Variants in PPM1L observed in about 807,000 individuals in gnomAD.
PPM1L encodes the protein protein phosphatase 1L.
In PPM1L, 13 loss-of-function variants were observed where a neutral mutation model predicts 31.4. The observed-to-expected ratio is 0.41, with a 90% CI of 0.27 to 0.66. The LOEUF (loss-of-function observed/expected upper bound fraction) is 0.66. Ranked by LOEUF, PPM1L falls within the 30% of genes least tolerant of loss-of-function variation. The pLI, the probability that PPM1L is intolerant of heterozygous loss-of-function variation, is 0.29. For missense variants in PPM1L, 326 were observed against 453.7 expected (o/e 0.72, Z 2.56); for synonymous variants, 184 against 175.4 (o/e 1.05, Z -0.39).
chr3:160,855,664 C>A (rs1711675934), intron 1 of PPM1L, among the ~76,000 whole-genome samples: 1 of 152,108 alleles, frequency 6.6e-6, no homozygotes, highest in African/African-American at 2.4e-5. Context: ...CAGTGCGATA[C>A]CATTTCACAC....
chr3:160,924,884 G>A (rs977991085), intron 1 of PPM1L, among the ~76,000 whole-genome samples: 1 of 152,134 alleles, frequency 6.6e-6, no homozygotes, highest in Non-Finnish European at 1.5e-5. Flanking sequence ...GAAACAATTC[G>A]CATTTAGATT....
chr3:160,946,196 C>T (rs993347746), intron 1 of PPM1L, among the ~76,000 whole-genome samples: 1 of 152,104 alleles, frequency 6.6e-6, no homozygotes, highest in Admixed American at 6.6e-5. Context: ...TTTTCTTAGC[C>T]CAGAGTTCCT....
intron 1 of PPM1L, among the ~76,000 whole-genome samples, chr3:160,790,214 A>G (rs1712061505): frequency 6.6e-6 from 1 of 152,094 alleles, no homozygotes; most frequent in South Asian, 2.1e-4. Context: ...ATGAACTGTT[A>G]TTAACTAATT....
At position 160,944,803 on chromosome 3, in the gene PPM1L, A is replaced by ATATATTATATGT. The variant is rs752118269; in HGVS notation, c.400-16928_400-16927insTATATGTTATAT. ...TTATATTATATATGTTATATATAAC[A>ATATATTATATGT]TATATAACATATATATGTTATATAT... On this transcript the variant is annotated intron_variant, in intron 1 of 3. Coordinates refer to ENST00000498165, the MANE Select transcript of PPM1L (RefSeq NM_139245.4). Among the ~76,000 whole-genome samples the ATATATTATATGT allele has an allele frequency of 6.8e-5, 4 of 59,254 alleles. 2 individuals are homozygous for ATATATTATATGT. Among genetic ancestry groups the ATATATTATATGT allele is most frequent in the Non-Finnish European group, 1.5e-4 (4 of 26,902 alleles). 38.9% of individuals were successfully genotyped at this position (59,254 alleles called of 152,430 possible). A position where few individuals can be genotyped will look rare whatever the true frequency, so the allele number is the denominator to read the frequency against.
In PPM1L at chr3:160,937,035, A is replaced by G. The variant is rs561251349; in HGVS notation, c.400-24701A>G. ...GTGCCTGGCCTATAGTAAATGCTCAATAACCGTCAGCACTTGTGAACATTT... is the reference window on the plus strand; with the variant it reads ...GTGCCTGGCCTATAGTAAATGCTCAGTAACCGTCAGCACTTGTGAACATTT... On this transcript the variant is annotated intron_variant, in intron 1 of 3. Coordinates refer to ENST00000498165, the MANE Select transcript of PPM1L (RefSeq NM_139245.4). Among the ~76,000 whole-genome samples, 42 of 152,148 alleles carry G rather than the reference A, an allele frequency of 2.8e-4. 1 individual carries two copies. Among genetic ancestry groups the G allele is most frequent in the African/African-American group, 9.4e-4 (39 of 41,436 alleles).
At chr3:160,860,781 C>T (rs1213539736) in intron 1 of PPM1L, among the ~76,000 whole-genome samples, 2 of 152,148 alleles carry the variant, frequency 1.3e-5, no homozygotes, top group Non-Finnish European at 2.9e-5. Flanking sequence ...GATGAGGTTC[C>T]TCTTCCTACT....
intron 2 of PPM1L, among the ~76,000 whole-genome samples, chr3:161,037,200 C>T (rs1718765134): frequency 6.6e-6 from 1 of 152,106 alleles, no homozygotes; most frequent in African/African-American, 2.4e-5. Flanking sequence ...TGGGATAATA[C>T]TTCTGAGACT....
Position 160,961,911 on chromosome 3 carries a change from G to T in PPM1L, c.574+1G>T, listed in dbSNP as rs1344547360. ...TTGACTGTATCCTATGATGAAGCAG[G>T]TATGTTTGTTTTTAAAACACACATT... On this transcript the variant is annotated splice_donor_variant, in intron 2 of 3. Transcript: ENST00000498165. LOFTEE classifies it high-confidence loss of function. 1.9e-6 allele frequency: 3 copies of T among 1,543,400 alleles called. No individual in the cohort carries two copies. Among genetic ancestry groups the T allele is most frequent in the Non-Finnish European group, 2.6e-6 (3 of 1,152,002 alleles).
intron 1 of PPM1L, among the ~76,000 whole-genome samples, chr3:160,787,558 A>G (rs1175808475): frequency 6.6e-6 from 1 of 151,646 alleles, no homozygotes; most frequent in Non-Finnish European, 1.5e-5. Flanking sequence ...CTGTTTGTTT[A>G]CTCTGTTGAT....
At chr3:161,000,909 A>G (rs925088300) in intron 2 of PPM1L, among the ~76,000 whole-genome samples, 1 of 152,200 alleles carries the variant, frequency 6.6e-6, no homozygotes, top group Non-Finnish European at 1.5e-5. Flanking sequence ...GACCACATTA[A>G]AAGCTATACT....
chr3:160,923,966 G>C (rs1047668901), intron 1 of PPM1L, among the ~76,000 whole-genome samples: 6 of 152,152 alleles, frequency 3.9e-5, no homozygotes, highest in African/African-American at 1.4e-4. Flanking sequence ...TTTTAGGCAA[G>C]GTAAACCATC....
intron 1 of PPM1L, chr3:160,842,243 G>A (rs1299987085): frequency 1.4e-6 from 1 of 702,290 alleles, no homozygotes; most frequent in East Asian, 2.7e-5. Context: ...GAGGGATGCT[G>A]GTGCCATTAG....
intron 1 of PPM1L, among the ~76,000 whole-genome samples, chr3:160,870,437 A>G (rs544738743): frequency 1.9e-4 from 29 of 152,354 alleles, no homozygotes; most frequent in African/African-American, 6.7e-4. Context: ...TCAAGCCACT[A>G]TAATAATTAG....
chr3:161,069,501 A>G lies in PPM1L; in HGVS notation c.*344A>G. The G allele has an allele frequency of 3.7e-6, 1 of 267,828 alleles. No individual in the cohort carries two copies. The highest frequency in any genetic ancestry group is 7.2e-6 in the Non-Finnish European group (1 of 138,730). 16.6% of individuals were successfully genotyped at this position (267,828 alleles called of 1,614,324 possible). On this transcript the variant is annotated 3_prime_UTR_variant, in exon 4 of 4. Coordinates refer to ENST00000498165, the MANE Select transcript of PPM1L (RefSeq NM_139245.4). ...TTCAAGATCCTGTTCAGGGTCCTCC[A>G]GGCATCAGCTGTTGTGTCCTCTCTT...
intron 1 of PPM1L, among the ~76,000 whole-genome samples, chr3:160,831,204 A>G (rs1327657965): frequency 6.6e-6 from 1 of 152,244 alleles, no homozygotes; most frequent in Non-Finnish European, 1.5e-5. Context: ...TGTTCCCAAC[A>G]TGAAGAAATG....
At chr3:161,068,711 T>C in intron 3 of PPM1L, 100 bp from the exon 4 acceptor site, 1 of 960,084 alleles carries the variant, frequency 1.0e-6, no homozygotes, top group Non-Finnish European at 1.6e-6. Context: ...CACAGCCCAG[T>C]TCACATGAAG....
At chr3:160,990,196 C>A (rs981210204) in intron 2 of PPM1L, among the ~76,000 whole-genome samples, 1 of 151,662 alleles carries the variant, frequency 6.6e-6, no homozygotes, top group African/African-American at 2.4e-5. Flanking sequence ...AGACAGGAGT[C>A]TCATCACATT....
intron 1 of PPM1L, among the ~76,000 whole-genome samples, chr3:160,802,577 G>A (rs945931347): frequency 6.6e-6 from 1 of 152,174 alleles, no homozygotes; most frequent in Non-Finnish European, 1.5e-5. Flanking sequence ...GAGCATTCTT[G>A]TGGTAGGGCA....
At chr3:160,781,895 G>A (rs1205354286) in intron 1 of PPM1L, among the ~76,000 whole-genome samples, 1 of 152,180 alleles carries the variant, frequency 6.6e-6, no homozygotes, top group Non-Finnish European at 1.5e-5. Flanking sequence ...CCTGTGCCCA[G>A]CAGTGGCTCT....
Sources: gnomAD v4.1 joint callset for allele counts (sites outside exome capture counted in the v4.1 genomes callset) on GRCh38, gnomAD v4.1.1 for gene constraint, MANE v1.5 for transcripts, NCBI Gene and HGNC (gene_info 2026-07-23, HGNC 2026-07-21) for gene names.